PPP4R3B: variants seen among roughly 807,000 people sequenced by gnomAD.
The protein encoded by PPP4R3B is serine/threonine-protein phosphatase 4 regulatory subunit 3B.
A neutral mutation model predicts 95.4 loss-of-function variants in PPP4R3B; 52 were observed. That is an observed-to-expected ratio of 0.54 (90% CI 0.44 to 0.69). The LOEUF is 0.69. Ranked by LOEUF, PPP4R3B falls within the 30% of genes least tolerant of loss-of-function variation. The pLI is 0.00. For synonymous variants in PPP4R3B, 407 were observed against 343.9 expected, an observed-to-expected ratio of 1.18 and a Z score of -2.03; for missense variants, 1,003 against 1,005.9, an observed-to-expected ratio of 1.00 and a Z score of 0.04.
rs747636792 is a variant in PPP4R3B at position 55,568,177 on chromosome 2, G to A, written c.1935+17C>T. The A allele has an allele frequency of 2.0e-6, 3 of 1,473,810 alleles. No individual in the cohort carries two copies. The highest frequency in any genetic ancestry group is 2.7e-6 in the Non-Finnish European group (3 of 1,108,804). 91.3% of individuals were successfully genotyped at this position (1,473,810 alleles called of 1,614,324 possible). A position where few individuals can be genotyped will look rare whatever the true frequency, so the allele number is the denominator to read the frequency against. On this transcript the variant is annotated intron_variant, in intron 13 of 16. Coordinates refer to ENST00000616407, the MANE Select transcript of PPP4R3B (RefSeq NM_001122964.3). The stretch of plus-strand genomic sequence containing the variant: ...CATATAATTACATATAATAACAGCT[G>A]TTTTATATAAACTTACCACTCTTAT...
At chr2:55,597,184 C>T (rs1691905196) in intron 4 of PPP4R3B, among the ~76,000 whole-genome samples, 1 of 151,970 alleles carries the variant, frequency 6.6e-6, no homozygotes, top group South Asian at 2.1e-4. Flanking sequence ...ATGAATTGTA[C>T]ACTTAAAAAT....
intron 4 of PPP4R3B, among the ~76,000 whole-genome samples, chr2:55,590,917 T>C (rs1690921383): frequency 6.6e-6 from 1 of 152,184 alleles, no homozygotes; most frequent in Admixed American, 6.5e-5. Flanking sequence ...CATGCTCTTC[T>C]ACTAAAAATC....
chr2:55,592,748 ATT>A (rs1691212246), intron 4 of PPP4R3B, among the ~76,000 whole-genome samples: 1 of 152,252 alleles, frequency 6.6e-6, no homozygotes, highest in Non-Finnish European at 1.5e-5. Context: ...AAATGTCAAC[ATT>A]TGAGATTCCT....
chr2:55,590,187 C>T (rs571302149), intron 4 of PPP4R3B, among the ~76,000 whole-genome samples: 5 of 150,964 alleles, frequency 3.3e-5, no homozygotes, highest in African/African-American at 1.2e-4. Flanking sequence ...ACTAGCCAGG[C>T]ATGGTGGCAC....
chr2:55,612,153 G>C (rs1694257039), intron 2 of PPP4R3B, among the ~76,000 whole-genome samples: 1 of 152,142 alleles, frequency 6.6e-6, no homozygotes. Context: ...TGCAGTCCCA[G>C]CTACTGGAGA....
chr2:55,569,136 T>A (rs1044595111), intron 12 of PPP4R3B, among the ~76,000 whole-genome samples: 1 of 152,058 alleles, frequency 6.6e-6, no homozygotes, highest in South Asian at 2.1e-4. Flanking sequence ...CATGCAGAGA[T>A]AGGAGCTGAG....
intron 12 of PPP4R3B, among the ~76,000 whole-genome samples, chr2:55,572,649 T>C (rs1688156479): frequency 6.6e-6 from 1 of 152,184 alleles, no homozygotes; most frequent in South Asian, 2.1e-4. Flanking sequence ...AACTTAGAGA[T>C]ACATTAAAAA....
At position 55,617,303 on chromosome 2, in the gene PPP4R3B, C is replaced by T. The variant is rs1046098472; in HGVS notation, c.-18G>A. On this transcript the variant is annotated 5_prime_UTR_variant, in exon 1 of 17. In the 5' UTR this introduces an upstream ATG that the reference lacks. Coordinates refer to ENST00000616407, the MANE Select transcript of PPP4R3B (RefSeq NM_001122964.3). ...TCCGACATGGTGGCTGCTGTCTCCA[C>T]CGCTCTAGCCGCCGCCTCCTCGCTT... The T allele has an allele frequency of 4.4e-6, 7 of 1,574,462 alleles. No individual in the cohort carries two copies. The South Asian group carries it at 8.0e-5, about 18-fold the overall frequency.
intron 13 of PPP4R3B, among the ~76,000 whole-genome samples, chr2:55,566,049 A>C (rs1687254645): frequency 6.6e-6 from 1 of 152,186 alleles, no homozygotes; most frequent in Admixed American, 6.5e-5. Flanking sequence ...CCATCACTGC[A>C]AATGCATGCA....
Position 55,588,902 on chromosome 2 carries a change from C to T in PPP4R3B, c.976G>A (p.Asp326Asn), listed in dbSNP as rs1268369102. 16 of 1,610,628 alleles carry T rather than the reference C, an allele frequency of 9.9e-6. No homozygotes were observed. Among genetic ancestry groups the T allele is most frequent in the South Asian group, 1.1e-5 (1 of 90,592 alleles). ...VFAQLTDEAT[D>N]DDKRRELVNF... ...ACCAATTCACGCCGTTTATCATCAT[C>T]TGTAGCCTCATCTGTTAATTGTGCA... Residue 326 changes from aspartate (D) to asparagine (N), a missense_variant, in exon 5 of 17, where the codon GAT becomes AAT. Coordinates refer to ENST00000616407, the MANE Select transcript of PPP4R3B (RefSeq NM_001122964.3).
At chr2:55,583,974 G>A (rs1689770679) in intron 7 of PPP4R3B, among the ~76,000 whole-genome samples, 1 of 152,126 alleles carries the variant, frequency 6.6e-6, no homozygotes, top group Non-Finnish European at 1.5e-5. Flanking sequence ...AGGAGGCCGA[G>A]ATGGGTGGAT....
intron 1 of PPP4R3B, among the ~76,000 whole-genome samples, chr2:55,616,158 T>C (rs1084522): frequency 0.44 from 67,326 of 151,782 alleles, 15,908 homozygotes; most frequent in Non-Finnish European, 0.52. Context: ...CCATTCGTTT[T>C]AACAAAAGTT....
rs1274966900 is a variant in PPP4R3B, at chr2:55,547,302, G to GT, written c.*2608dup. ...ATTAAAACACAGAAATCTGTTTCAT[G>GT]TAACTTTTTATTAAAAATAGTTTTT... On this transcript the variant is annotated 3_prime_UTR_variant, in exon 17 of 17. Coordinates refer to ENST00000616407, the MANE Select transcript of PPP4R3B (RefSeq NM_001122964.3). 4.6e-5 allele frequency: 7 copies of GT among 152,120 alleles called. No individual in the cohort carries two copies. Among genetic ancestry groups the GT allele is most frequent in the Admixed American group, 1.3e-4 (2 of 15,270 alleles). The allele number at this position is 152,120 out of a possible 1,614,324, so 9.4% of individuals were successfully genotyped here.
chr2:55,616,952 CAG>C lies in PPP4R3B; in HGVS notation c.142+190_142+191del, dbSNP rs1350658534. On this transcript the variant is annotated intron_variant, in intron 1 of 16. Transcript: ENST00000616407. ...ATCCTTAAGAGAGATGGGAGAAGGA[CAG>C]AGAGTCTCGGTCTCCGAGGATAAGT... Among the ~76,000 whole-genome samples, 9 of 152,090 alleles carry C rather than the reference CAG, an allele frequency of 5.9e-5. No individual in the cohort carries two copies. The East Asian group carries it at 1.5e-3, about 26-fold the overall frequency.
At chr2:55,570,284 C>A (rs548790618) in intron 12 of PPP4R3B, among the ~76,000 whole-genome samples, 1 of 152,098 alleles carries the variant, frequency 6.6e-6, no homozygotes, top group South Asian at 2.1e-4. Context: ...ATCCTATCTC[C>A]GTATTATAAT....
chr2:55,590,564 A>G (rs1330806084), intron 4 of PPP4R3B, among the ~76,000 whole-genome samples: 1 of 152,228 alleles, frequency 6.6e-6, no homozygotes. Flanking sequence ...GGGCAAAAAT[A>G]TTAAAATTCA....
At chr2:55,572,929 G>C (rs1226392668) in intron 12 of PPP4R3B, among the ~76,000 whole-genome samples, 1 of 152,102 alleles carries the variant, frequency 6.6e-6, no homozygotes, top group Non-Finnish European at 1.5e-5. Context: ...AGTAGTATTA[G>C]TGGGCTGAGA....
chr2:55,562,482 C>T (rs1237632518), intron 15 of PPP4R3B, among the ~76,000 whole-genome samples: 5 of 152,112 alleles, frequency 3.3e-5, no homozygotes, highest in South Asian at 2.1e-4. Flanking sequence ...CTCTGTCTCC[C>T]GCTCCACCAT....
chr2:55,572,597 C>A (rs1181641483), intron 12 of PPP4R3B, among the ~76,000 whole-genome samples: 1 of 152,104 alleles, frequency 6.6e-6, no homozygotes, highest in Non-Finnish European at 1.5e-5. Context: ...CAAAGTGCTT[C>A]AATTTTGGCG....
Sources: allele counts gnomAD v4.1 joint callset (sites outside exome capture counted in the v4.1 genomes callset), GRCh38; gene constraint gnomAD v4.1.1; transcripts MANE v1.5; gene names NCBI Gene and HGNC (gene_info 2026-07-23, HGNC 2026-07-21).